TRAPPC9: variants seen among roughly 807,000 people sequenced by gnomAD.
TRAPPC9 encodes the protein IKK2 binding protein.
TRAPPC9 carries 83 observed loss-of-function variants against 124.0 expected under a neutral mutation model. The observed-to-expected ratio is 0.67, with a 90% CI of 0.56 to 0.80. TRAPPC9 has a LOEUF of 0.80. Among genes scored for constraint, TRAPPC9 ranks in the 30% least tolerant of loss-of-function variants. TRAPPC9 has a pLI of 0.00. For synonymous variants in TRAPPC9, 638 were observed against 617.5 expected (o/e 1.03, Z -0.49); for missense variants, 1,302 against 1,508.3 (o/e 0.86, Z 2.27).
chr8:139,796,042 G>A (rs886511793), intron 21 of TRAPPC9, among the ~76,000 whole-genome samples: 1 of 147,526 alleles, frequency 6.8e-6, no homozygotes, highest in South Asian at 2.1e-4. Context: ...AGGAGGAAGA[G>A]GAGAAGGAGG....
chr8:140,152,739 T>C (rs1320591738), intron 17 of TRAPPC9, among the ~76,000 whole-genome samples: 1 of 152,184 alleles, frequency 6.6e-6, no homozygotes, highest in African/African-American at 2.4e-5. Flanking sequence ...ATAGGTCTTG[T>C]TTAACTTCTT....
intron 21 of TRAPPC9, among the ~76,000 whole-genome samples, chr8:139,874,089 G>A (rs1014679691): frequency 2.0e-5 from 3 of 152,242 alleles, no homozygotes; most frequent in Non-Finnish European, 4.4e-5. Flanking sequence ...CAGTAAGGCT[G>A]CTCTGGGAAT....
chr8:140,062,258 C>G (rs1842663783), intron 17 of TRAPPC9, among the ~76,000 whole-genome samples: 1 of 152,178 alleles, frequency 6.6e-6, no homozygotes, highest in Non-Finnish European at 1.5e-5. Flanking sequence ...GCCTGTCATT[C>G]CCCTCCTCCG....
At chr8:139,905,081 A>T (rs913629369) in intron 20 of TRAPPC9, among the ~76,000 whole-genome samples, 1 of 152,182 alleles carries the variant, frequency 6.6e-6, no homozygotes, top group Non-Finnish European at 1.5e-5. Flanking sequence ...AAGGTACCAA[A>T]GGTAGGTAGG....
intron 21 of TRAPPC9, among the ~76,000 whole-genome samples, chr8:139,766,973 G>A (rs890150791): frequency 3.3e-5 from 5 of 152,184 alleles, no homozygotes; most frequent in African/African-American, 1.2e-4. Flanking sequence ...ACATGACTGT[G>A]AGCCCCTGGA....
chr8:140,436,854 C>T (rs1435091783), intron 3 of TRAPPC9, among the ~76,000 whole-genome samples: 1 of 152,210 alleles, frequency 6.6e-6, no homozygotes, highest in Non-Finnish European at 1.5e-5. Flanking sequence ...CCTGCATAAT[C>T]CTTTATCTGA....
intron 21 of TRAPPC9, among the ~76,000 whole-genome samples, chr8:139,807,522 C>A (rs746647391): frequency 6.6e-6 from 1 of 152,154 alleles, no homozygotes; most frequent in African/African-American, 2.4e-5. Flanking sequence ...TGCTTAATCA[C>A]CAACAAAAAT....
At chr8:139,976,445 A>AT (rs1471344558) in intron 19 of TRAPPC9, among the ~76,000 whole-genome samples, 1 of 152,150 alleles carries the variant, frequency 6.6e-6, no homozygotes, top group Non-Finnish European at 1.5e-5. Flanking sequence ...AGCACCTACA[A>AT]TTTCTCTCAC....
chr8:140,188,003 C>G (rs1037529133), intron 17 of TRAPPC9, among the ~76,000 whole-genome samples: 3 of 152,194 alleles, frequency 2.0e-5, no homozygotes, highest in African/African-American at 7.2e-5. Flanking sequence ...TCCTCCCACA[C>G]CTGTACATCC....
chr8:139,862,678 A>T (rs1322981151), intron 21 of TRAPPC9, among the ~76,000 whole-genome samples: 3 of 152,176 alleles, frequency 2.0e-5, no homozygotes, highest in Non-Finnish European at 4.4e-5. Context: ...TAAGTGTCTT[A>T]ATCTCACTCT....
At chr8:140,254,575 A>G (rs1208316485) in intron 15 of TRAPPC9, among the ~76,000 whole-genome samples, 1 of 152,224 alleles carries the variant, frequency 6.6e-6, no homozygotes, top group Non-Finnish European at 1.5e-5. Context: ...CACAGGGGAC[A>G]GGAAGCCATG....
intron 11 of TRAPPC9, among the ~76,000 whole-genome samples, chr8:140,295,272 A>C (rs1203473272): frequency 6.6e-6 from 1 of 152,212 alleles, no homozygotes; most frequent in Non-Finnish European, 1.5e-5. Flanking sequence ...GCTGCCAGGG[A>C]CTTTAGAAAC....
intron 17 of TRAPPC9, among the ~76,000 whole-genome samples, chr8:140,089,411 T>C (rs899801213): frequency 6.6e-6 from 1 of 152,220 alleles, no homozygotes; most frequent in African/African-American, 2.4e-5. Context: ...GGCAGCCCCC[T>C]GTAACCAGAT....
At chr8:139,816,795 G>A (rs1420121337) in intron 21 of TRAPPC9, among the ~76,000 whole-genome samples, 2 of 151,998 alleles carry the variant, frequency 1.3e-5, no homozygotes, top group Admixed American at 6.5e-5. Flanking sequence ...TCTTGGGTCC[G>A]CCAACTCCTG....
chr8:140,370,422 G>A (rs1010993999), intron 8 of TRAPPC9, among the ~76,000 whole-genome samples: 4 of 152,150 alleles, frequency 2.6e-5, no homozygotes, highest in Non-Finnish European at 5.9e-5. Context: ...TTACAGGAGT[G>A]AGCCACCGTG....
Position 139,753,010 on chromosome 8 carries a change from C to A in TRAPPC9, c.3056-20808G>T, listed in dbSNP as rs369752974. On this transcript the variant is annotated intron_variant, in intron 21 of 22. Transcript: ENST00000438773. ...ATCCATCCAACTTCTACCCATCCAT[C>A]CACCCATCTACCATCCATCCATCCA... Among the ~76,000 whole-genome samples the A allele has an allele frequency of 7.1e-4, 108 of 151,518 alleles. 1 individual carries two copies. Among genetic ancestry groups the A allele is most frequent in the African/African-American group, 2.5e-3 (105 of 41,218 alleles).
intron 17 of TRAPPC9, among the ~76,000 whole-genome samples, chr8:140,075,474 G>C (rs1449855861): frequency 6.6e-6 from 1 of 152,082 alleles, no homozygotes; most frequent in Non-Finnish European, 1.5e-5. Flanking sequence ...CCTCCAGCCT[G>C]CTTATCGCCA....
At position 139,907,673 on chromosome 8, in the gene TRAPPC9, T is replaced by C. The variant is rs1410205692; in HGVS notation, c.2964+2474A>G. Among the ~76,000 whole-genome samples, 1 of 152,188 alleles carries C rather than the reference T, an allele frequency of 6.6e-6. No individual in the cohort carries two copies. Among genetic ancestry groups the C allele is most frequent in the East Asian group, 1.9e-4 (1 of 5,190 alleles). On this transcript the variant is annotated intron_variant, in intron 20 of 22. Transcript: ENST00000438773. The surrounding 1 kb of genome is among the most constrained non-coding windows in gnomAD (Gnocchi z 4.7). Reference sequence around the variant, plus strand: ...CTCATAAACTTCCGATCAGTAAATGTATGGGGCAGATGTGCTTGGCACATG... The same window carrying C: ...CTCATAAACTTCCGATCAGTAAATGCATGGGGCAGATGTGCTTGGCACATG...
chr8:140,089,665 G>A (rs1326193415), intron 17 of TRAPPC9, among the ~76,000 whole-genome samples: 3 of 152,168 alleles, frequency 2.0e-5, no homozygotes, highest in African/African-American at 7.2e-5. Context: ...CCATAAAGAT[G>A]AGAACCTCGC....
Sources: allele counts gnomAD v4.1 joint callset (sites outside exome capture counted in the v4.1 genomes callset), GRCh38; gene constraint gnomAD v4.1.1; non-coding constraint Gnocchi (gnomAD v3.1); transcripts MANE v1.5; gene names NCBI Gene and HGNC (gene_info 2026-07-23, HGNC 2026-07-21).